EPB41L4A: variants seen among roughly 807,000 people sequenced by gnomAD.
EPB41L4A encodes the protein band 4.1-like protein 4A.
In EPB41L4A, 100 loss-of-function variants were observed where a neutral mutation model predicts 108.6. That is an observed-to-expected ratio of 0.92 (90% CI 0.78 to 1.09). The LOEUF is 1.09. EPB41L4A is among the 50% of genes least tolerant of loss of function. The pLI is 0.00. For missense variants in EPB41L4A, 1,030 were observed against 842.7 expected, an observed-to-expected ratio of 1.22 and a Z score of -2.75; for synonymous variants, 319 against 289.0, an observed-to-expected ratio of 1.10 and a Z score of -1.05.
intron 1 of EPB41L4A, among the ~76,000 whole-genome samples, chr5:112,344,568 G>A (rs1325367213): frequency 1.3e-5 from 2 of 152,210 alleles, no homozygotes; most frequent in East Asian, 3.8e-4. Flanking sequence ...ATACTATGTA[G>A]GTGTGATTGA....
At chr5:112,241,708 A>T (rs192763015) in intron 9 of EPB41L4A, among the ~76,000 whole-genome samples, 5 of 152,322 alleles carry the variant, frequency 3.3e-5, no homozygotes, top group Admixed American at 1.3e-4. Context: ...AAGGAATTTG[A>T]GCATTCTCGG....
rs1477081319 is a variant in EPB41L4A at position 112,240,709 on chromosome 5, A to G, written c.887+10T>C. On this transcript the variant is annotated intron_variant, in intron 10 of 22. Coordinates refer to ENST00000261486, the MANE Select transcript of EPB41L4A (RefSeq NM_022140.5). ...TTAAGACAACAAACAAAATTTTTAC[A>G]TCAATTTACCTAAAAAATGTATGAT... The G allele has an allele frequency of 1.3e-6, 2 of 1,491,248 alleles. No homozygotes were observed. The highest frequency in any genetic ancestry group is 1.8e-6 in the Non-Finnish European group (2 of 1,113,024). The allele number at this position is 1,491,248 out of a possible 1,614,324, so 92.4% of individuals were successfully genotyped here. A position where few individuals can be genotyped will look rare whatever the true frequency, so the allele number is the denominator to read the frequency against.
At chr5:112,323,132 T>C (rs977547520) in intron 1 of EPB41L4A, among the ~76,000 whole-genome samples, 2 of 151,944 alleles carry the variant, frequency 1.3e-5, no homozygotes, top group African/African-American at 4.8e-5. Context: ...ATGTGGAAGA[T>C]GTAACCAGAA....
At chr5:112,169,161 G>A in intron 20 of EPB41L4A, 56 bp from the exon 21 acceptor site, 2 of 1,263,822 alleles carry the variant, frequency 1.6e-6, no homozygotes, top group Non-Finnish European at 2.3e-6. Flanking sequence ...AAAAGGAAAA[G>A]TAGGAGTTCT....
chr5:112,314,033 T>G (rs1755241655), intron 1 of EPB41L4A, among the ~76,000 whole-genome samples: 1 of 151,808 alleles, frequency 6.6e-6, no homozygotes, highest in Non-Finnish European at 1.5e-5. Flanking sequence ...CCGGCTAATT[T>G]GTATTTTTAG....
downstream of EPB41L4A, among the ~76,000 whole-genome samples, chr5:112,159,236 C>G (rs116405382): frequency 3.4e-4 from 52 of 152,036 alleles, no homozygotes; most frequent in African/African-American, 1.2e-3. Context: ...ATGTATATAA[C>G]TTGATGTGTT....
At chr5:112,278,827 G>A (rs1158389416) in intron 3 of EPB41L4A, among the ~76,000 whole-genome samples, 1 of 151,008 alleles carries the variant, frequency 6.6e-6, no homozygotes, top group Non-Finnish European at 1.5e-5. Flanking sequence ...GGCTCAGGTG[G>A]GTGGATCACC....
In EPB41L4A at chr5:112,252,369, A is replaced by G. The variant is rs369113071; in HGVS notation, c.795+6860T>C. 4.9e-4 allele frequency among the ~76,000 whole-genome samples: 75 copies of G among 152,256 alleles called. 1 individual carries two copies. The highest frequency in any genetic ancestry group is 1.7e-3 in the African/African-American group (70 of 41,560). ...GACCACACCTAGCACCCAGATCTAG[A>G]TCATTTCCTAGTCAAAGGAACCAGA... On this transcript the variant is annotated intron_variant, in intron 9 of 22. Coordinates refer to ENST00000261486, the MANE Select transcript of EPB41L4A (RefSeq NM_022140.5).
chr5:112,193,811 G>A (rs551486830), intron 17 of EPB41L4A, among the ~76,000 whole-genome samples: 10 of 152,224 alleles, frequency 6.6e-5, no homozygotes, highest in Admixed American at 3.9e-4. Context: ...CAATTGTCAC[G>A]ATAAAAAATG....
chr5:112,276,948 C>T (rs1422933353), intron 3 of EPB41L4A, among the ~76,000 whole-genome samples: 3 of 152,096 alleles, frequency 2.0e-5, no homozygotes, highest in Admixed American at 6.5e-5. Flanking sequence ...AAAGAAACTG[C>T]TAGAATTTCT....
Position 112,164,994 on chromosome 5 carries a change from GTC to G in EPB41L4A, c.2055_2056del (p.Glu685AspfsTer10), listed in dbSNP as rs761235020. 10 of 1,612,578 alleles carry G rather than the reference GTC, an allele frequency of 6.2e-6. No individual in the cohort carries two copies. The highest frequency in any genetic ancestry group is 4.0e-5 in the African/African-American group (3 of 74,790). On this transcript the variant is annotated frameshift_variant, in exon 23 of 23. Coordinates refer to ENST00000261486, the MANE Select transcript of EPB41L4A (RefSeq NM_022140.5). LOFTEE classifies it high-confidence loss of function. ...ACCCTTGACCCTTCATCAGGATCAAGTCTCTGTCTTGAGGCGGGAAGCTTGTA... is the reference window on the plus strand; with the variant it reads ...ACCCTTGACCCTTCATCAGGATCAAGTCTGTCTTGAGGCGGGAAGCTTGTA...
intron 15 of EPB41L4A, 126 bp from the exon 16 acceptor site, chr5:112,195,834 T>G: frequency 1.3e-6 from 1 of 780,922 alleles, no homozygotes; most frequent in East Asian, 2.6e-5. Context: ...TGCCAAACAT[T>G]TACGTCATAT....
At chr5:112,383,547 T>C (rs569031510) in intron 1 of EPB41L4A, among the ~76,000 whole-genome samples, 18 of 152,262 alleles carry the variant, frequency 1.2e-4, no homozygotes, top group African/African-American at 3.4e-4. Flanking sequence ...TGAAATCCCA[T>C]TGGCAATTTT....
At chr5:112,152,539 C>A (rs953040025) in intron 12 of EPB41L4A, among the ~76,000 whole-genome samples, 1 of 152,108 alleles carries the variant, frequency 6.6e-6, no homozygotes, top group East Asian at 1.9e-4. Context: ...TGTAGGGATG[C>A]AGCAAGAAGG....
chr5:112,412,923 CT>C (rs142701767), intron 1 of EPB41L4A, among the ~76,000 whole-genome samples: 65 of 152,338 alleles, frequency 4.3e-4, no homozygotes, highest in African/African-American at 1.4e-3. Flanking sequence ...TTTACACCAT[CT>C]TTTCCAGTAA....
intron 5 of EPB41L4A, 102 bp from the exon 6 acceptor site, chr5:112,265,118 CT>C: frequency 9.2e-7 from 1 of 1,090,256 alleles, no homozygotes; most frequent in Non-Finnish European, 1.3e-6. Flanking sequence ...TTTCAAATGT[CT>C]TACTAAAATT....
At chr5:112,364,793 T>A (rs939012301) in intron 1 of EPB41L4A, among the ~76,000 whole-genome samples, 11 of 152,228 alleles carry the variant, frequency 7.2e-5, no homozygotes, top group Non-Finnish European at 1.3e-4. Context: ...AGTTCATAAT[T>A]TGAATCTCTA....
intron 4 of EPB41L4A, among the ~76,000 whole-genome samples, chr5:112,267,320 T>G (rs946766331): frequency 5.9e-5 from 9 of 152,188 alleles, no homozygotes; most frequent in African/African-American, 2.2e-4. Context: ...GGAAATGAAC[T>G]ATAATAATCA....
chr5:112,382,961 G>C (rs748106065), intron 1 of EPB41L4A, among the ~76,000 whole-genome samples: 2 of 152,174 alleles, frequency 1.3e-5, no homozygotes, highest in Non-Finnish European at 2.9e-5. Flanking sequence ...AAATGCTTCG[G>C]AGCAAACAAG....
Sources: allele counts gnomAD v4.1 joint callset (sites outside exome capture counted in the v4.1 genomes callset), GRCh38; gene constraint gnomAD v4.1.1; transcripts MANE v1.5; gene names NCBI Gene and HGNC (gene_info 2026-07-23, HGNC 2026-07-21).